Variants in LMF1 observed in about 807,000 individuals in gnomAD.
The protein encoded by LMF1 is transmembrane protein 112.
LMF1 carries 68 observed loss-of-function variants against 60.6 expected under a neutral mutation model. The observed-to-expected ratio is 1.12, with a 90% CI of 0.92 to 1.37. The LOEUF is 1.37. Among genes scored for constraint, LMF1 ranks in the 40% most tolerant of loss-of-function variants. The probability of loss-of-function intolerance (pLI) is 0.00; values close to 1 mark genes in which losing one functional copy is unlikely to be tolerated. For missense variants in LMF1, 948 were observed against 767.2 expected (o/e 1.24, Z -2.78); for synonymous variants, 418 against 324.7 (o/e 1.29, Z -3.09).
Position 978,487 on chromosome 16 carries a change from A to C in LMF1, c.-135+2658T>G, listed in dbSNP as rs560531922. On this transcript the variant is annotated intron_variant, in intron 1 of 6. Coordinates refer to the LMF1 transcript ENST00000570014. ...ATCTCATGGGCAGCAGAGCCTGTCC[A>C]CCCACATTCTTCTCTGCGGCTGTCC... Among the ~76,000 whole-genome samples, 3 of 152,172 alleles carry C rather than the reference A, an allele frequency of 2.0e-5. No individual in the cohort carries two copies. The South Asian group carries it at 6.2e-4, about 32-fold the overall frequency.
intron 3 of LMF1, among the ~76,000 whole-genome samples, chr16:928,180 C>G (rs548126151): frequency 6.6e-6 from 1 of 152,222 alleles, no homozygotes; most frequent in Non-Finnish European, 1.5e-5. Flanking sequence ...ATTCATTCCT[C>G]GCACCCGCTA....
intron 3 of LMF1, among the ~76,000 whole-genome samples, chr16:916,892 G>GAGCTCTGAGTCCTCTAC (rs2071293560): frequency 6.6e-6 from 1 of 152,232 alleles, no homozygotes; most frequent in African/African-American, 2.4e-5. Flanking sequence ...TCCTCTGAGT[G>GAGCTCTGAGTCCTCTAC]TTGAGCTCCG....
upstream of LMF1, among the ~76,000 whole-genome samples, chr16:974,664 C>T (rs547070653): frequency 5.9e-5 from 9 of 152,346 alleles, 1 homozygote; most frequent in South Asian, 1.4e-3. Flanking sequence ...CCCCAGGACC[C>T]AGGCACACAC....
Position 970,928 on chromosome 16 carries a change from C to A in LMF1, c.53G>T (p.Arg18Leu). Reference sequence around the variant, plus strand: ...CTCCGGATCCGAGTACCCAGTCTTCCGCCTCCTCAGCGACTCCGCGGGCGC... The same window carrying A: ...CTCCGGATCCGAGTACCCAGTCTTCAGCCTCCTCAGCGACTCCGCGGGCGC... ...MAAPAESLRR[R>L]KTGYSDPEPE... Residue 18 changes from arginine to leucine, a missense_variant, in exon 1 of 11, where the codon CGG becomes CTG. Coordinates refer to ENST00000262301, the MANE Select transcript of LMF1 (RefSeq NM_022773.4). 1 of 1,570,008 alleles carries A rather than the reference C, an allele frequency of 6.4e-7. No homozygotes were observed. The highest frequency in any genetic ancestry group is 8.7e-7 in the Non-Finnish European group (1 of 1,155,720).
intron 5 of LMF1, among the ~76,000 whole-genome samples, chr16:885,696 T>G (rs55762928): frequency 6.6e-6 from 1 of 152,170 alleles, no homozygotes; most frequent in Non-Finnish European, 1.5e-5. Context: ...AACACGTATG[T>G]GCCTGATAAT....
intron 4 of LMF1, 140 bp downstream of exon 4, chr16:910,791 G>T: frequency 9.8e-7 from 1 of 1,016,394 alleles, no homozygotes; most frequent in Non-Finnish European, 1.4e-6. Flanking sequence ...GCAGAAGAGT[G>T]CGCAGCTGGC....
At chr16:948,119 G>A (rs1202394522) in intron 2 of LMF1, among the ~76,000 whole-genome samples, 1 of 148,266 alleles carries the variant, frequency 6.7e-6, no homozygotes, top group Non-Finnish European at 1.5e-5. Flanking sequence ...GCCAACGACA[G>A]TCAGCCAACG....
intron 4 of LMF1, among the ~76,000 whole-genome samples, chr16:895,739 A>C (rs561662150): frequency 6.6e-6 from 1 of 152,296 alleles, no homozygotes; most frequent in Admixed American, 6.5e-5. Flanking sequence ...TGGGACCAAG[A>C]GCCCAGCCCG....
intron 2 of LMF1, among the ~76,000 whole-genome samples, chr16:939,953 ATTAAG>A (rs1373256063): frequency 2.0e-5 from 3 of 152,076 alleles, no homozygotes; most frequent in Admixed American, 6.6e-5. Flanking sequence ...TGTGGAGGTA[ATTAAG>A]TTAAGGATCT....
intron 2 of LMF1, chr16:947,511 T>C (rs758079085): frequency 1.1e-5 from 5 of 455,976 alleles, no homozygotes; most frequent in East Asian, 6.9e-5. Flanking sequence ...GCCCTGGCGC[T>C]GCTCTCAGTA....
intron 4 of LMF1, chr16:893,377 G>C (rs1188589561): frequency 4.1e-5 from 21 of 512,444 alleles, no homozygotes; most frequent in South Asian, 3.2e-4. Flanking sequence ...TACAGAAGTT[G>C]CGTGTCTTTA....
At chr16:890,247 C>T (rs886545506) in intron 5 of LMF1, among the ~76,000 whole-genome samples, 3 of 152,342 alleles carry the variant, frequency 2.0e-5, no homozygotes, top group East Asian at 1.9e-4. Flanking sequence ...CTGCTCTGAA[C>T]GCTCGCTACT....
intron 4 of LMF1, among the ~76,000 whole-genome samples, chr16:895,438 C>A (rs57581492): frequency 6.6e-6 from 1 of 152,144 alleles, no homozygotes; most frequent in African/African-American, 2.4e-5. Flanking sequence ...CAACCACACA[C>A]GGGAGGGCCT....
intron 5 of LMF1, among the ~76,000 whole-genome samples, chr16:885,330 C>T (rs945974730): frequency 1.3e-5 from 2 of 152,082 alleles, no homozygotes; most frequent in African/African-American, 4.8e-5. Context: ...CAAAAAGGAA[C>T]AGAGAACACA....
intron 3 of LMF1, among the ~76,000 whole-genome samples, chr16:918,398 T>C (rs999914435): frequency 8.5e-5 from 13 of 152,216 alleles, no homozygotes; most frequent in Non-Finnish European, 1.8e-4. Flanking sequence ...GCTATCTTTA[T>C]TGGTTTTGGA....
rs575496568 is a variant in LMF1 at position 861,358 on chromosome 16, T to C, written c.1530-6652A>G. On this transcript the variant is annotated intron_variant, in intron 10 of 10. Coordinates refer to ENST00000262301, the MANE Select transcript of LMF1 (RefSeq NM_022773.4). ...ACTCACTTATTAATTTTCTTTCTTT[T>C]TTTTTTTTTTTTTTTTTGAGATGGA... Among the ~76,000 whole-genome samples the C allele has an allele frequency of 2.2e-3, 308 of 142,394 alleles. 1 individual carries two copies. In the South Asian group the frequency reaches 0.051, roughly 24 times the overall value. 93.4% of individuals were successfully genotyped at this position (142,394 alleles called of 152,430 possible). A position where few individuals can be genotyped will look rare whatever the true frequency, so the allele number is the denominator to read the frequency against.
rs2070708605 is a variant in LMF1 at position 897,913 on chromosome 16, C to G, written c.664-4841G>C. Among the ~76,000 whole-genome samples, 1 of 152,260 alleles carries G rather than the reference C, an allele frequency of 6.6e-6. No homozygotes were observed. The highest frequency in any genetic ancestry group is 1.5e-5 in the Non-Finnish European group (1 of 68,046). ...AGGTGGGCTCCGCCCCCGAGTGCTT[C>G]AGCTCACGCAGACTTCCTTGTGGCA... On this transcript the variant is annotated intron_variant, in intron 4 of 10. Coordinates refer to ENST00000262301, the MANE Select transcript of LMF1 (RefSeq NM_022773.4). This position sits in a 1 kb window ranked among gnomAD's most constrained non-coding sequence, Gnocchi z 4.3.
At chr16:860,151 G>T (rs1357154137) in intron 10 of LMF1, among the ~76,000 whole-genome samples, 2 of 152,092 alleles carry the variant, frequency 1.3e-5, no homozygotes, top group Non-Finnish European at 2.9e-5. Flanking sequence ...ACTATTGTCA[G>T]ATACGTGACT....
At chr16:945,298 T>G (rs1176215118) in intron 2 of LMF1, among the ~76,000 whole-genome samples, 6 of 146,184 alleles carry the variant, frequency 4.1e-5, no homozygotes, top group Middle Eastern at 3.8e-3. Flanking sequence ...GAGATAGGAG[T>G]ATTGAACTTT....
Sources: gnomAD v4.1 joint callset for allele counts (sites outside exome capture counted in the v4.1 genomes callset) on GRCh38, gnomAD v4.1.1 for gene constraint, Gnocchi (gnomAD v3.1) non-coding constraint, MANE v1.5 for transcripts, NCBI Gene and HGNC (gene_info 2026-07-23, HGNC 2026-07-21) for gene names.